DCC: variants seen among roughly 807,000 people sequenced by gnomAD.
DCC encodes DCC netrin 1 receptor, also known as netrin receptor DCC.
Under a neutral mutation model 172.5 loss-of-function variants are expected in DCC, and 58 were observed. The observed-to-expected ratio is 0.34, with a 90% CI of 0.27 to 0.42. The LOEUF is 0.42. DCC is among the 10% of genes least tolerant of loss of function. The pLI, the probability that DCC is intolerant of heterozygous loss-of-function variation, is 1.00. For missense variants in DCC, 1,740 were observed against 1,791.0 expected (o/e 0.97, Z 0.51); for synonymous variants, 709 against 644.5 (o/e 1.10, Z -1.52).
chr18:53,463,239 T>C (rs771121783), intron 24 of DCC, among the ~76,000 whole-genome samples: 4 of 152,206 alleles, frequency 2.6e-5, no homozygotes, highest in Non-Finnish European at 5.9e-5. Context: ...TTTCGTCTTT[T>C]ATATACTGAG....
intron 21 of DCC, among the ~76,000 whole-genome samples, chr18:53,427,838 AATAT>A (rs553552009): frequency 2.1e-5 from 2 of 95,406 alleles, no homozygotes; most frequent in African/African-American, 3.2e-5. Flanking sequence ...TATGATATAT[AATAT>A]ATATATTTCT....
chr18:53,067,855 T>A (rs1446873585), intron 7 of DCC, among the ~76,000 whole-genome samples: 1 of 152,192 alleles, frequency 6.6e-6, no homozygotes, highest in African/African-American at 2.4e-5. Context: ...GAAAAGCATA[T>A]AAGACATAGT....
chr18:53,044,722 T>G (rs1375081972), intron 5 of DCC, among the ~76,000 whole-genome samples: 1 of 151,884 alleles, frequency 6.6e-6, no homozygotes, highest in Non-Finnish European at 1.5e-5. Flanking sequence ...CTTAAGTAAC[T>G]CATAACTTGA....
intron 7 of DCC, among the ~76,000 whole-genome samples, chr18:53,079,908 G>A (rs546093663): frequency 2.0e-5 from 3 of 152,256 alleles, no homozygotes; most frequent in Non-Finnish European, 4.4e-5. Flanking sequence ...TGCAGGGGCT[G>A]GATCACAGAG....
intron 1 of DCC, among the ~76,000 whole-genome samples, chr18:52,686,340 C>T (rs2035834377): frequency 6.6e-6 from 1 of 152,108 alleles, no homozygotes; most frequent in Non-Finnish European, 1.5e-5. Flanking sequence ...ACCTCTGTTC[C>T]AACAGAACTC....
At chr18:52,860,075 T>C (rs2039116114) in intron 2 of DCC, among the ~76,000 whole-genome samples, 1 of 152,236 alleles carries the variant, frequency 6.6e-6, no homozygotes, top group African/African-American at 2.4e-5. Context: ...CTATATAGGA[T>C]GCAGCAAATC....
At chr18:53,437,730 C>T (rs1912041818) in intron 22 of DCC, among the ~76,000 whole-genome samples, 1 of 151,858 alleles carries the variant, frequency 6.6e-6, no homozygotes, top group Non-Finnish European at 1.5e-5. Flanking sequence ...TTCATTAGCT[C>T]ACTCTCGTGC....
chr18:53,185,077 A>G (rs1598885701), intron 9 of DCC, among the ~76,000 whole-genome samples: 2 of 152,318 alleles, frequency 1.3e-5, no homozygotes, highest in East Asian at 3.9e-4. Flanking sequence ...CTGGCATTAC[A>G]TCTTTTTTGG....
intron 1 of DCC, among the ~76,000 whole-genome samples, chr18:52,514,718 A>C (rs886470344): frequency 6.6e-6 from 1 of 152,232 alleles, no homozygotes; most frequent in Non-Finnish European, 1.5e-5. Context: ...TAAGAATAGA[A>C]ATACAAATGT....
intron 7 of DCC, among the ~76,000 whole-genome samples, chr18:53,139,908 A>C (rs1193948232): frequency 1.3e-5 from 2 of 152,194 alleles, no homozygotes; most frequent in Admixed American, 1.3e-4. Context: ...TCAGTCACCA[A>C]GGAGGATACA....
intron 2 of DCC, among the ~76,000 whole-genome samples, chr18:52,782,945 C>T (rs967500832): frequency 1.3e-5 from 2 of 152,032 alleles, no homozygotes; most frequent in Non-Finnish European, 2.9e-5. Context: ...TTTGTTATAT[C>T]ATGTATACTG....
chr18:53,351,403 A>G lies in DCC; in HGVS notation c.2359+11496A>G, dbSNP rs867586639. On this transcript the variant is annotated intron_variant, in intron 15 of 28. Transcript: ENST00000442544. Reference sequence around the variant, plus strand: ...TATACAGTATATATATATACAGTGTATATATATATATATACACACTGTGTA... The same window carrying G: ...TATACAGTATATATATATACAGTGTGTATATATATATATACACACTGTGTA... 0.01 allele frequency among the ~76,000 whole-genome samples: 108 copies of G among 10,546 alleles called. 4 individuals are homozygous for G. In the East Asian group the frequency reaches 0.17, roughly 17 times the overall value. The allele number at this position is 10,546 out of a possible 152,430, so 6.9% of individuals were successfully genotyped here.
intron 22 of DCC, among the ~76,000 whole-genome samples, 160 bp downstream of exon 22, chr18:53,435,369 CAAAAACAAA>C (rs1911873523): frequency 6.6e-6 from 1 of 150,508 alleles, no homozygotes; most frequent in East Asian, 1.9e-4. Flanking sequence ...AAAACAAAAA[CAAAAACAAA>C]AAAAACAAAA....
intron 12 of DCC, among the ~76,000 whole-genome samples, chr18:53,271,225 C>G (rs1270221148): frequency 6.6e-6 from 1 of 152,124 alleles, no homozygotes. Flanking sequence ...CCTAAGTGGT[C>G]TCTGACCATA....
At chr18:52,566,772 G>A (rs1452848495) in intron 1 of DCC, among the ~76,000 whole-genome samples, 1 of 152,022 alleles carries the variant, frequency 6.6e-6, no homozygotes, top group Non-Finnish European at 1.5e-5. Context: ...GAAGGAGTTT[G>A]AAGCTATGAG....
Position 53,450,559 on chromosome 18 carries a change from A to C in DCC, c.3289A>C (p.Asn1097His). 1 of 1,614,018 alleles carries C rather than the reference A, an allele frequency of 6.2e-7. No homozygotes were observed. The highest frequency in any genetic ancestry group is 8.5e-7 in the Non-Finnish European group (1 of 1,179,982). The change falls in exon 23 of 29, where the codon AAC becomes CAC. Residue 1097 changes from asparagine (N) to histidine (H), a missense_variant. Coordinates refer to ENST00000442544, the MANE Select transcript of DCC (RefSeq NM_005215.4). ...CAGTGTCACTCCTCAGAAGAACAGC[A>C]ACCTGCTTGTGATCATTGTGGTCAC... ...HGSVTPQKNS[N>H]LLVIIVVTVG... is the part of the protein sequence containing the mutation.
intron 1 of DCC, among the ~76,000 whole-genome samples, chr18:52,504,371 C>T (rs1013235520): frequency 6.6e-6 from 1 of 152,126 alleles, no homozygotes; most frequent in African/African-American, 2.4e-5. Context: ...ATACTGGTAA[C>T]TAGTGACTGG....
chr18:52,440,432 T>A (rs1038596192), intron 1 of DCC, among the ~76,000 whole-genome samples: 2 of 152,218 alleles, frequency 1.3e-5, no homozygotes, highest in African/African-American at 4.8e-5. Context: ...AGCCATTTAT[T>A]TCAGGTGTGT....
At chr18:53,310,372 A>G (rs2057252068) in intron 13 of DCC, among the ~76,000 whole-genome samples, 3 of 152,176 alleles carry the variant, frequency 2.0e-5, no homozygotes, top group Non-Finnish European at 2.9e-5. Flanking sequence ...TGTTTAAAAA[A>G]TTGGAAATTT....
Sources: gnomAD v4.1 joint callset for allele counts (sites outside exome capture counted in the v4.1 genomes callset) on GRCh38, gnomAD v4.1.1 for gene constraint, MANE v1.5 for transcripts, NCBI Gene and HGNC (gene_info 2026-07-23, HGNC 2026-07-21) for gene names.